HEATR5A: variants seen among roughly 807,000 people sequenced by gnomAD.
The protein encoded by HEATR5A is HEAT repeat containing 5A, also known as HEAT repeat-containing protein 5A.
Under a neutral mutation model 218.8 loss-of-function variants are expected in HEATR5A, and 178 were observed. That is an observed-to-expected ratio of 0.81 (90% CI 0.72 to 0.92). HEATR5A has a LOEUF of 0.92. Among genes scored for constraint, HEATR5A ranks in the 40% least tolerant of loss-of-function variants. The pLI, the probability that HEATR5A is intolerant of heterozygous loss-of-function variation, is 0.00. For synonymous variants in HEATR5A, 864 were observed against 871.6 expected, an observed-to-expected ratio of 0.99 and a Z score of 0.15; for missense variants, 2,420 against 2,418.9, an observed-to-expected ratio of 1.00 and a Z score of -0.01.
rs146447255 is a variant in HEATR5A, at chr14:31,308,214, A to G, written c.4691-194T>C. On this transcript the variant is annotated intron_variant, in intron 29 of 35. Coordinates refer to ENST00000543095, the MANE Select transcript of HEATR5A (RefSeq NM_015473.4). ...GTCTGTTTCTATCTACATGTACAAA[A>G]AAAATAATCTATGCCGGGCATGGTG... 3.9e-3 allele frequency among the ~76,000 whole-genome samples: 591 copies of G among 152,326 alleles called. 3 individuals carry two copies. The highest frequency in any genetic ancestry group is 0.01 in the Middle Eastern group (3 of 294).
intron 34 of HEATR5A, among the ~76,000 whole-genome samples, chr14:31,295,241 G>GT (rs964413675): frequency 6.6e-6 from 1 of 152,000 alleles, no homozygotes; most frequent in African/African-American, 2.4e-5. Flanking sequence ...ATTACTGAAG[G>GT]TATGTGCTGG....
intron 21 of HEATR5A, chr14:31,340,605 C>A: frequency 2.1e-6 from 1 of 480,798 alleles, no homozygotes; most frequent in Non-Finnish European, 3.2e-6. Flanking sequence ...GGCTTAGCTT[C>A]AGCTTAAAAA....
Position 31,293,082 on chromosome 14 carries a change from CCATT to C in HEATR5A, c.*219_*222del. On this transcript the variant is annotated 3_prime_UTR_variant, in exon 36 of 36. Coordinates refer to ENST00000543095, the MANE Select transcript of HEATR5A (RefSeq NM_015473.4). ...TCTTAAAATTCCTGGCAAGTTAGCT[CCATT>C]GTCTTTTTAAATAGAAAAACAAAAC... The C allele has an allele frequency of 2.3e-6, 1 of 433,470 alleles. No individual in the cohort carries two copies. The highest frequency in any genetic ancestry group is 4.1e-6 in the Non-Finnish European group (1 of 246,866). The allele number at this position is 433,470 out of a possible 1,614,324, so 26.9% of individuals were successfully genotyped here.
rs778741172 is a variant in HEATR5A at position 31,345,108 on chromosome 14, T to C, written c.3037A>G (p.Thr1013Ala). The change falls in exon 20 of 36, where the codon ACG becomes GCG. Residue 1013 changes from threonine (T) to alanine (A), a missense_variant. By Grantham distance (58) the Thr-to-Ala change is moderately conservative. Coordinates refer to ENST00000543095, the MANE Select transcript of HEATR5A (RefSeq NM_015473.4). ...LGRCLNALITTLGPELQGNST... is the reference protein window; with the variant it reads ...LGRCLNALITALGPELQGNST... ...ACACCTTGTAGCTCTGGACCTAACG[T>C]GGTAATAAGGGCATTCAAACAGCGA... 1 of 1,613,016 alleles carries C rather than the reference T, an allele frequency of 6.2e-7. No homozygotes were observed. Among genetic ancestry groups the C allele is most frequent in the Non-Finnish European group, 8.5e-7 (1 of 1,179,692 alleles).
At chr14:31,307,496 A>G (rs1006754145) in intron 30 of HEATR5A, among the ~76,000 whole-genome samples, 3 of 152,230 alleles carry the variant, frequency 2.0e-5, no homozygotes, top group African/African-American at 4.8e-5. Flanking sequence ...ATACTTTGTA[A>G]TGGACTGTAA....
chr14:31,335,173 C>G (rs1595109200), intron 22 of HEATR5A, among the ~76,000 whole-genome samples: 1 of 152,160 alleles, frequency 6.6e-6, no homozygotes, highest in African/African-American at 2.4e-5. Flanking sequence ...CTATTTCACA[C>G]TTAGCAGACT....
At chr14:31,359,105 G>T (rs373370451) in intron 14 of HEATR5A, 48 bp from the exon 15 acceptor site, 15 of 1,539,582 alleles carry the variant, frequency 9.7e-6, no homozygotes, top group African/African-American at 1.4e-5. Context: ...ATTATCTGGT[G>T]AGAGTATGGG....
At chr14:31,419,858 G>A (rs1205940984) in intron 1 of HEATR5A, among the ~76,000 whole-genome samples, 2 of 152,258 alleles carry the variant, frequency 1.3e-5, no homozygotes, top group Non-Finnish European at 2.9e-5. Flanking sequence ...TGCCACCAAA[G>A]GAAAAGCTTT....
rs770859284 is a variant in HEATR5A at position 31,345,107 on chromosome 14, G to A, written c.3038C>T (p.Thr1013Met). 5.0e-6 allele frequency: 8 copies of A among 1,613,332 alleles called. No homozygotes were observed. The highest frequency in any genetic ancestry group is 1.6e-4 in the Middle Eastern group (1 of 6,062). The change falls in exon 20 of 36, where the codon ACG becomes ATG. Residue 1013 changes from threonine to methionine, a missense_variant. Coordinates refer to ENST00000543095, the MANE Select transcript of HEATR5A (RefSeq NM_015473.4). Reference protein sequence around the residue: ...LGRCLNALITTLGPELQGNST... With the variant: ...LGRCLNALITMLGPELQGNST... ...CACACCTTGTAGCTCTGGACCTAAC[G>A]TGGTAATAAGGGCATTCAAACAGCG... is the stretch of plus-strand genomic sequence containing the variant.
chr14:31,294,121 A>T lies in HEATR5A; in HGVS notation c.5620-17T>A. 1 of 1,458,190 alleles carries T rather than the reference A, an allele frequency of 6.9e-7. No individual in the cohort carries two copies. Among genetic ancestry groups the T allele is most frequent in the Non-Finnish European group, 9.4e-7 (1 of 1,063,948 alleles). The allele number at this position is 1,458,190 out of a possible 1,614,324, so 90.3% of individuals were successfully genotyped here. A position where few individuals can be genotyped will look rare whatever the true frequency, so the allele number is the denominator to read the frequency against. On this transcript the variant is annotated splice_polypyrimidine_tract_variant and intron_variant, in intron 34 of 35. Coordinates refer to ENST00000543095, the MANE Select transcript of HEATR5A (RefSeq NM_015473.4). ...GATTTGTACCTAATAAGGTAAGAGA[A>T]AAGAATAGCAAATACTATAAATAAA...
chr14:31,393,395 C>T (rs965702317), intron 6 of HEATR5A, among the ~76,000 whole-genome samples: 6 of 152,012 alleles, frequency 3.9e-5, no homozygotes, highest in Admixed American at 3.3e-4. Flanking sequence ...CCTGTGGTCC[C>T]GCCTACTCAG....
intron 33 of HEATR5A, among the ~76,000 whole-genome samples, chr14:31,300,495 C>T (rs1899335126): frequency 6.6e-6 from 1 of 152,028 alleles, no homozygotes; most frequent in South Asian, 2.1e-4. Context: ...CAGAGATGCA[C>T]CGAGAGATCC....
At chr14:31,318,705 G>T (rs1276575422) in intron 25 of HEATR5A, among the ~76,000 whole-genome samples, 1 of 152,172 alleles carries the variant, frequency 6.6e-6, no homozygotes, top group East Asian at 1.9e-4. Flanking sequence ...GGCCAGGCTG[G>T]TCTCCAACTC....
chr14:31,307,811 TC>T lies in HEATR5A; in HGVS notation c.4818+81del, dbSNP rs1790705209. 2.0e-6 allele frequency: 3 copies of T among 1,478,880 alleles called. No homozygotes were observed. In the African/African-American group the frequency reaches 4.3e-5, roughly 21 times the overall value. The allele number at this position is 1,478,880 out of a possible 1,614,324, so 91.6% of individuals were successfully genotyped here. ...AAAAAAAATTTCTGTGTGTTTACTT[TC>T]TGTTAACTATAGAAACCTGAACATG... On this transcript the variant is annotated intron_variant, in intron 30 of 35. Transcript: ENST00000543095.
At chr14:31,301,224 T>A (rs190019445) in intron 33 of HEATR5A, among the ~76,000 whole-genome samples, 4 of 152,138 alleles carry the variant, frequency 2.6e-5, no homozygotes, top group African/African-American at 9.7e-5. Context: ...AAAAACCTCA[T>A]AAAAATAAGA....
intron 16 of HEATR5A, among the ~76,000 whole-genome samples, chr14:31,354,246 A>G (rs1455658823): frequency 6.6e-6 from 1 of 152,142 alleles, no homozygotes; most frequent in Non-Finnish European, 1.5e-5. Context: ...TTATTAGATC[A>G]TATCCTACAT....
chr14:31,332,035 T>A (rs1900490306), intron 22 of HEATR5A, among the ~76,000 whole-genome samples: 2 of 152,198 alleles, frequency 1.3e-5, no homozygotes, highest in South Asian at 4.1e-4. Context: ...TGTCATGATG[T>A]CTGGGGCCTG....
At chr14:31,364,976 G>C (rs536994322) in intron 13 of HEATR5A, among the ~76,000 whole-genome samples, 1 of 152,188 alleles carries the variant, frequency 6.6e-6, no homozygotes, top group East Asian at 1.9e-4. Flanking sequence ...CCGAGTTTAA[G>C]CAATTCTTCT....
chr14:31,386,270 T>G (rs117817249), intron 9 of HEATR5A, 150 bp downstream of exon 9: 15,815 of 620,946 alleles, frequency 0.025, 263 homozygotes, highest in Non-Finnish European at 0.035. Flanking sequence ...ACAATATACA[T>G]CTTTTTAATA....
Sources: allele counts gnomAD v4.1 joint callset (sites outside exome capture counted in the v4.1 genomes callset), GRCh38; gene constraint gnomAD v4.1.1; transcripts MANE v1.5; gene names NCBI Gene and HGNC (gene_info 2026-07-23, HGNC 2026-07-21).